INO80C: variants seen among roughly 807,000 people sequenced by gnomAD.
INO80C encodes IES6 homolog.
INO80C carries 17 observed loss-of-function variants against 17.7 expected under a neutral mutation model. The ratio of observed to expected loss-of-function variants is 0.96; its 90% CI spans 0.66 to 1.44. The LOEUF is 1.44. Ranked by LOEUF, INO80C falls within the 40% of genes most tolerant of loss-of-function variation. INO80C has a pLI of 0.00. For synonymous variants in INO80C, 96 were observed against 95.8 expected, an observed-to-expected ratio of 1.00 and a Z score of -0.01; for missense variants, 244 against 245.0, an observed-to-expected ratio of 1.00 and a Z score of 0.03.
intron 3 of INO80C, 47 bp from the exon 4 acceptor site, chr18:35,478,396 T>C: frequency 7.4e-7 from 1 of 1,343,608 alleles, no homozygotes; most frequent in Non-Finnish European, 1.0e-6. Context: ...CTGAAAACAT[T>C]CAAATCCCTT....
rs756317314 is a variant in INO80C, at chr18:35,478,312, A to C, written c.417T>G (p.Ala139=). 9.3e-6 allele frequency: 15 copies of C among 1,607,204 alleles called. No individual in the cohort carries two copies. The highest frequency in any genetic ancestry group is 1.2e-5 in the Non-Finnish European group (14 of 1,175,320). Residue 139 remains alanine (A), a synonymous_variant, in exon 4 of 5, where the codon GCT becomes GCG. Transcript: ENST00000334598. ...SIDAPPSFKP[A]KKYSDVSGLL... is the part of the protein sequence containing the mutation. ...GACCTGAAACATCAGAATACTTCTT[A>C]GCTGGCTTAAAGGATGGAGGAGCAT... is the stretch of plus-strand genomic sequence containing the variant.
chr18:35,490,786 C>T (rs1286615717), intron 1 of INO80C, among the ~76,000 whole-genome samples: 2 of 151,914 alleles, frequency 1.3e-5, no homozygotes, highest in African/African-American at 4.8e-5. Context: ...GATAGGGTCT[C>T]GCTCTGTCAC....
intron 1 of INO80C, chr18:35,497,163 G>A (rs771006640): frequency 3.0e-5 from 5 of 169,108 alleles, no homozygotes; most frequent in East Asian, 1.9e-4. Context: ...GTCTGAGCCA[G>A]GCGCTGAGCT....
At chr18:35,490,706 G>T (rs918503664) in intron 1 of INO80C, among the ~76,000 whole-genome samples, 1 of 152,012 alleles carries the variant, frequency 6.6e-6, no homozygotes, top group Admixed American at 6.5e-5. Context: ...AGTGGAGTTC[G>T]CTTTTTCTTC....
intron 1 of INO80C, among the ~76,000 whole-genome samples, chr18:35,490,420 G>A (rs1049128969): frequency 2.0e-4 from 30 of 152,262 alleles, no homozygotes; most frequent in South Asian, 4.1e-4. Context: ...CCCCACTAGG[G>A]ACAACTTCAG....
At chr18:35,479,653 A>G (rs1205966105) in intron 2 of INO80C, among the ~76,000 whole-genome samples, 1 of 152,170 alleles carries the variant, frequency 6.6e-6, no homozygotes, top group African/African-American at 2.4e-5. Context: ...TAGAAATAAA[A>G]GGCTACTTCT....
chr18:35,474,876 C>T (rs1293202418), intron 4 of INO80C, among the ~76,000 whole-genome samples: 2 of 152,054 alleles, frequency 1.3e-5, no homozygotes, highest in African/African-American at 4.8e-5. Flanking sequence ...CCAAACTGAA[C>T]CGCAACGAAA....
intron 1 of INO80C, chr18:35,496,909 G>T (rs1399253790): frequency 1.3e-5 from 2 of 152,148 alleles, no homozygotes; most frequent in Non-Finnish European, 2.9e-5. Flanking sequence ...AATATTAAAA[G>T]GTTAAAATAA....
chr18:35,475,524 G>T (rs1241795975), intron 4 of INO80C, among the ~76,000 whole-genome samples: 1 of 152,056 alleles, frequency 6.6e-6, no homozygotes, highest in Non-Finnish European at 1.5e-5. Context: ...CAAAAAATTA[G>T]CCAGGCATGG....
intron 2 of INO80C, among the ~76,000 whole-genome samples, chr18:35,479,804 C>A (rs2045783546): frequency 6.6e-6 from 1 of 151,758 alleles, no homozygotes; most frequent in Non-Finnish European, 1.5e-5. Context: ...CTTCTCGGGG[C>A]AAGTCTCTGC....
rs534733388 is a variant in INO80C at position 35,496,439 on chromosome 18, CTGT to C, written c.156+1277_156+1279del. Among the ~76,000 whole-genome samples, 29 of 152,320 alleles carry C rather than the reference CTGT, an allele frequency of 1.9e-4. No individual in the cohort carries two copies. The East Asian group carries it at 5.2e-3, about 27-fold the overall frequency. On this transcript the variant is annotated intron_variant, in intron 1 of 4. Transcript: ENST00000334598. ...TGAAGGGTGGCTGAACAGTGGGTAACTGTTAGGAAGGAAAGACAGTACTGACAG... is the reference window on the plus strand; with the variant it reads ...TGAAGGGTGGCTGAACAGTGGGTAACTAGGAAGGAAAGACAGTACTGACAG...
At chr18:35,490,413 C>T (rs573340950) in intron 1 of INO80C, among the ~76,000 whole-genome samples, 1 of 152,296 alleles carries the variant, frequency 6.6e-6, no homozygotes, top group Non-Finnish European at 1.5e-5. Context: ...AAAACACCCC[C>T]ACTAGGGACA....
chr18:35,497,128 A>G (rs181423), intron 1 of INO80C, among the ~76,000 whole-genome samples: 113,603 of 152,068 alleles, frequency 0.75, 42,630 homozygotes, highest in East Asian at 0.98. Context: ...GAATTACGGA[A>G]CCTAGATTGT....
At chr18:35,480,318 C>A (rs2045791603) in intron 2 of INO80C, 135 bp downstream of exon 2, 1 of 672,592 alleles carries the variant, frequency 1.5e-6, no homozygotes, top group South Asian at 1.7e-5. Flanking sequence ...CCCCATCTTG[C>A]CCATAGGGGA....
At chr18:35,481,453 T>C (rs766239799) in intron 1 of INO80C, among the ~76,000 whole-genome samples, 1 of 152,224 alleles carries the variant, frequency 6.6e-6, no homozygotes, top group Non-Finnish European at 1.5e-5. Flanking sequence ...ATTCCTATCC[T>C]TGTCAATACC....
chr18:35,489,396 A>T (rs1421854810), intron 1 of INO80C: 1 of 238,298 alleles, frequency 4.2e-6, no homozygotes, highest in Non-Finnish European at 8.5e-6. Flanking sequence ...CTTACATGGC[A>T]GCAGGCAAGA....
chr18:35,485,624 T>TAA (rs910587706), intron 1 of INO80C, among the ~76,000 whole-genome samples: 1 of 146,848 alleles, frequency 6.8e-6, no homozygotes. Flanking sequence ...AAAACACCAT[T>TAA]AAAAAAAAAA....
chr18:35,480,427 A>T (rs2045792644), intron 2 of INO80C, 26 bp downstream of exon 2: 1 of 1,489,388 alleles, frequency 6.7e-7, no homozygotes, highest in Non-Finnish European at 9.4e-7. Context: ...TTGGATGTTT[A>T]TTCAGCTAAT....
At chr18:35,483,285 T>C (rs1175561255) in intron 1 of INO80C, 1 of 152,252 alleles carries the variant, frequency 6.6e-6, no homozygotes, top group African/African-American at 2.4e-5. Context: ...TAAGGAAGAT[T>C]TGATTCTCCC....
Sources: allele counts gnomAD v4.1 joint callset (sites outside exome capture counted in the v4.1 genomes callset), GRCh38; gene constraint gnomAD v4.1.1; transcripts MANE v1.5; gene names NCBI Gene and HGNC (gene_info 2026-07-23, HGNC 2026-07-21).